NAALADL2: variants seen among roughly 807,000 people sequenced by gnomAD.
The protein encoded by NAALADL2 is inactive N-acetylated-alpha-linked acidic dipeptidase-like protein 2.
Under a neutral mutation model 87.2 loss-of-function variants are expected in NAALADL2, and 76 were observed. The ratio of observed to expected loss-of-function variants is 0.87; its 90% confidence interval spans 0.72 to 1.05. The LOEUF is 1.05. Ranked by LOEUF, NAALADL2 falls within the 50% of genes least tolerant of loss-of-function variation. NAALADL2 has a pLI of 0.00. For missense variants in NAALADL2, 1,089 were observed against 945.8 expected (o/e 1.15, Z -1.99); for synonymous variants, 354 against 331.0 (o/e 1.07, Z -0.75).
At chr3:174,519,363 T>C (rs1439773468) in intron 1 of NAALADL2, among the ~76,000 whole-genome samples, 2 of 151,472 alleles carry the variant, frequency 1.3e-5, no homozygotes, top group East Asian at 3.9e-4. Flanking sequence ...GTTTCACTCT[T>C]TTTTGCCCAG....
chr3:174,609,281 C>T (rs1459548930), intron 2 of NAALADL2, among the ~76,000 whole-genome samples: 1 of 152,064 alleles, frequency 6.6e-6, no homozygotes, highest in African/African-American at 2.4e-5. Flanking sequence ...TCTCACCACT[C>T]CTATTCAACA....
intron 2 of NAALADL2, among the ~76,000 whole-genome samples, chr3:174,736,995 C>T (rs1433227862): frequency 2.6e-5 from 4 of 152,210 alleles, no homozygotes; most frequent in Non-Finnish European, 2.9e-5. Context: ...CAATGTTCAA[C>T]TTTGCCCCAT....
intron 8 of NAALADL2, among the ~76,000 whole-genome samples, chr3:175,468,222 T>C (rs1163341679): frequency 3.9e-5 from 6 of 152,120 alleles, no homozygotes; most frequent in African/African-American, 1.4e-4. Context: ...TTTTTCAGTG[T>C]AAAATTCATC....
chr3:175,665,524 C>A (rs979808763), intron 11 of NAALADL2, among the ~76,000 whole-genome samples: 6 of 152,096 alleles, frequency 3.9e-5, no homozygotes, highest in African/African-American at 1.4e-4. Context: ...CATTACCATC[C>A]ATTTTCATAG....
At chr3:175,632,963 C>A (rs1728004208) in intron 11 of NAALADL2, among the ~76,000 whole-genome samples, 1 of 152,050 alleles carries the variant, frequency 6.6e-6, no homozygotes, top group Non-Finnish European at 1.5e-5. Context: ...ATGATAGTGG[C>A]TACTGCATTT....
chr3:174,884,638 C>T (rs553262775), intron 1 of NAALADL2, among the ~76,000 whole-genome samples: 4 of 152,082 alleles, frequency 2.6e-5, no homozygotes, highest in East Asian at 1.9e-4. Flanking sequence ...GGAGCTGCAA[C>T]GTTAAATGCA....
At chr3:174,738,804 T>C (rs1733475203) in intron 3 of NAALADL2, among the ~76,000 whole-genome samples, 1 of 152,214 alleles carries the variant, frequency 6.6e-6, no homozygotes, top group African/African-American at 2.4e-5. Flanking sequence ...AAGTAAAAAT[T>C]AAACCATTTT....
Position 175,342,867 on chromosome 3 carries a change from A to C in NAALADL2, c.1090+18542A>C, listed in dbSNP as rs545246139. 1.8e-4 allele frequency among the ~76,000 whole-genome samples: 27 copies of C among 152,220 alleles called. No homozygotes were observed. In the East Asian group the frequency reaches 5.2e-3, roughly 29 times the overall value. On this transcript the variant is annotated intron_variant, in intron 5 of 13. Coordinates refer to ENST00000454872, the MANE Select transcript of NAALADL2 (RefSeq NM_207015.3). ...ATCACCCAGGGTGAGGGAAGCTGTG[A>C]CTTATACTTTAATCCTTTTGGAAAA...
In NAALADL2 at chr3:174,576,474, A is replaced by G. The variant is rs1715540656; in HGVS notation, c.-115+25837A>G. Among the ~76,000 whole-genome samples, 6 of 152,320 alleles carry G rather than the reference A, an allele frequency of 3.9e-5. No individual in the cohort carries two copies. The South Asian group carries it at 1.2e-3, about 32-fold the overall frequency. On this transcript the variant is annotated intron_variant, in intron 2 of 3. Transcript: ENST00000434257. ...GCTTTATAAGAATTAAAATATAAAC[A>G]TGTGAAATGGAAGTAATATCTAATA...
intron 2 of NAALADL2, among the ~76,000 whole-genome samples, chr3:175,149,204 A>T (rs989514181): frequency 6.6e-6 from 1 of 152,050 alleles, no homozygotes; most frequent in Non-Finnish European, 1.5e-5. Flanking sequence ...CATTGTGCCT[A>T]TTATAAATTG....
chr3:175,381,969 C>A (rs1044063882), intron 5 of NAALADL2, among the ~76,000 whole-genome samples: 1 of 152,168 alleles, frequency 6.6e-6, no homozygotes, highest in Non-Finnish European at 1.5e-5. Flanking sequence ...AACCCACTTA[C>A]TACCATACTG....
intron 1 of NAALADL2, among the ~76,000 whole-genome samples, chr3:174,447,298 T>C (rs1044015079): frequency 6.6e-6 from 1 of 152,168 alleles, no homozygotes; most frequent in African/African-American, 2.4e-5. Flanking sequence ...CTGAATGATT[T>C]GTAAATTAAC....
chr3:174,547,217 A>T (rs138619762), intron 1 of NAALADL2, among the ~76,000 whole-genome samples: 3 of 152,310 alleles, frequency 2.0e-5, no homozygotes, highest in Non-Finnish European at 4.4e-5. Flanking sequence ...AGCATAAATG[A>T]GTACCAACTA....
At chr3:175,270,235 C>T (rs985890941) in intron 4 of NAALADL2, among the ~76,000 whole-genome samples, 1 of 152,128 alleles carries the variant, frequency 6.6e-6, no homozygotes, top group Non-Finnish European at 1.5e-5. Flanking sequence ...TCCACTTCTG[C>T]CCTTAGTCAA....
chr3:175,725,865 G>A (rs1675138000), intron 11 of NAALADL2, among the ~76,000 whole-genome samples: 1 of 152,106 alleles, frequency 6.6e-6, no homozygotes, highest in African/African-American at 2.4e-5. Context: ...TATGGCAAGA[G>A]TGCAACAAAT....
chr3:175,068,040 G>T (rs560941415), intron 1 of NAALADL2, among the ~76,000 whole-genome samples: 79 of 151,998 alleles, frequency 5.2e-4, no homozygotes, highest in Non-Finnish European at 1.0e-3. Flanking sequence ...TAAACATTGC[G>T]TACTCCTGGA....
chr3:174,847,797 T>C (rs1448330352), intron 3 of NAALADL2, among the ~76,000 whole-genome samples: 1 of 126,046 alleles, frequency 7.9e-6, no homozygotes, highest in Middle Eastern at 3.7e-3. Context: ...CATCAGAGTA[T>C]GTATTTGAAA....
intron 1 of NAALADL2, among the ~76,000 whole-genome samples, chr3:174,958,697 C>T (rs1741514161): frequency 1.3e-5 from 2 of 151,978 alleles, no homozygotes; most frequent in Non-Finnish European, 2.9e-5. Flanking sequence ...ATTTTTTCTT[C>T]TTACATTACA....
At chr3:175,081,954 G>A (rs58052541) in intron 1 of NAALADL2, among the ~76,000 whole-genome samples, 65,706 of 152,022 alleles carry the variant, frequency 0.43, 15,140 homozygotes, top group Non-Finnish European at 0.52. Flanking sequence ...CTTAAGAGCT[G>A]TGCTAAGTGA....
Sources: allele counts gnomAD v4.1 joint callset (sites outside exome capture counted in the v4.1 genomes callset), GRCh38; gene constraint gnomAD v4.1.1; transcripts MANE v1.5; gene names NCBI Gene and HGNC (gene_info 2026-07-23, HGNC 2026-07-21).